The following SLC24A4 variants were observed in gnomAD, a reference collection of about 807,000 sequenced individuals.
SLC24A4 encodes solute carrier family 24 member 4.
Under a neutral mutation model 79.0 loss-of-function variants are expected in SLC24A4, and 53 were observed. That is an observed-to-expected ratio of 0.67 (90% CI 0.54 to 0.84). The LOEUF is 0.84. Among genes scored for constraint, SLC24A4 ranks in the 40% least tolerant of loss-of-function variants. SLC24A4 has a pLI of 0.00. For missense variants in SLC24A4, 731 were observed against 822.0 expected (o/e 0.89, Z 1.35); for synonymous variants, 323 against 323.8 (o/e 1.00, Z 0.03).
chr14:92,433,791 C>G, intron 2 of SLC24A4, 121 bp from the exon 3 acceptor site: 1 of 807,504 alleles, frequency 1.2e-6, no homozygotes, highest in Non-Finnish European at 2.2e-6. Context: ...CTGGCCTTCT[C>G]TCTGATCAGT....
At chr14:92,435,361 C>T (rs1892108020) in intron 3 of SLC24A4, among the ~76,000 whole-genome samples, 1 of 152,244 alleles carries the variant, frequency 6.6e-6, no homozygotes, top group Non-Finnish European at 1.5e-5. Flanking sequence ...GGAACACAGA[C>T]ACTCCTATTC....
intron 2 of SLC24A4, among the ~76,000 whole-genome samples, chr14:92,414,935 A>G (rs1359534774): frequency 6.6e-6 from 1 of 152,176 alleles, no homozygotes; most frequent in Non-Finnish European, 1.5e-5. Flanking sequence ...GGAGGTCACC[A>G]TGTGCTCTGG....
At position 92,396,059 on chromosome 14, in the gene SLC24A4, T is replaced by G. The variant is rs183939068; in HGVS notation, c.242-37853T>G. ...CAGGCTGGTCTTGAACTCCTGACCT[T>G]GTGATCCACCTGCCTAGGCCTCCCA... is the stretch of plus-strand genomic sequence containing the variant. On this transcript the variant is annotated intron_variant, in intron 2 of 16. Coordinates refer to ENST00000532405, the MANE Select transcript of SLC24A4 (RefSeq NM_153646.4). 8.2e-3 allele frequency among the ~76,000 whole-genome samples: 1,253 copies of G among 152,302 alleles called. 12 individuals are homozygous for G. Among genetic ancestry groups the G allele is most frequent in the African/African-American group, 0.027 (1,139 of 41,548 alleles).
chr14:92,351,937 A>AGGAAAGGAAAGGAAAGGAAG, intron 2 of SLC24A4, among the ~76,000 whole-genome samples: 2 of 151,758 alleles, frequency 1.3e-5, no homozygotes, highest in Non-Finnish European at 2.9e-5. Context: ...AGGAAAGGAA[A>AGGAAAGGAAAGGAAAGGAAG]GGAAAAGAAA....
At chr14:92,478,104 G>C (rs1894871881) in intron 12 of SLC24A4, among the ~76,000 whole-genome samples, 1 of 152,156 alleles carries the variant, frequency 6.6e-6, no homozygotes, top group Non-Finnish European at 1.5e-5. Context: ...GCTGTGCCCA[G>C]CCCCAGCCTC....
intron 2 of SLC24A4, among the ~76,000 whole-genome samples, chr14:92,362,056 A>C (rs1353611559): frequency 1.3e-5 from 2 of 152,210 alleles, no homozygotes; most frequent in Non-Finnish European, 2.9e-5. Flanking sequence ...GGTCTGGAGC[A>C]CAGGGAGGTC....
chr14:92,494,547 A>G lies in SLC24A4; in HGVS notation c.*919A>G, dbSNP rs564423310. 5 of 152,356 alleles carry G rather than the reference A, an allele frequency of 3.3e-5. No homozygotes were observed. Among genetic ancestry groups the G allele is most frequent in the African/African-American group, 9.6e-5 (4 of 41,578 alleles). 9.4% of individuals were successfully genotyped at this position (152,356 alleles called of 1,614,324 possible). ...TACAGCTGTACTTTCCAGATCTTCT[A>G]TGTGACACAATGCACTGTCCTTGTG... On this transcript the variant is annotated 3_prime_UTR_variant, in exon 17 of 17. Transcript: ENST00000532405. The surrounding 1 kb of genome is among the most constrained non-coding windows in gnomAD (Gnocchi z 4.6).
intron 2 of SLC24A4, among the ~76,000 whole-genome samples, chr14:92,354,205 C>T (rs896766443): frequency 6.7e-5 from 10 of 149,988 alleles, no homozygotes; most frequent in African/African-American, 2.5e-4. Context: ...CTCACTCTGT[C>T]GCCCAGGCTG....
In SLC24A4 at chr14:92,374,295, T is replaced by C. The variant is rs557392747; in HGVS notation, c.241+48317T>C. On this transcript the variant is annotated intron_variant, in intron 2 of 16. Coordinates refer to ENST00000532405, the MANE Select transcript of SLC24A4 (RefSeq NM_153646.4). ...GAAGAGGTGGTGTGGTTCCCACTCATTCGAGAAGACCAAGGCTCAGACCAA... is the reference window on the plus strand; with the variant it reads ...GAAGAGGTGGTGTGGTTCCCACTCACTCGAGAAGACCAAGGCTCAGACCAA... 3.9e-5 allele frequency among the ~76,000 whole-genome samples: 6 copies of C among 152,324 alleles called. No homozygotes were observed. The East Asian group carries it at 9.7e-4, about 25-fold the overall frequency.
At chr14:92,376,531 C>A (rs950901638) in intron 2 of SLC24A4, among the ~76,000 whole-genome samples, 1 of 152,242 alleles carries the variant, frequency 6.6e-6, no homozygotes, top group Admixed American at 6.5e-5. Context: ...ATACAGAAGT[C>A]TGGGCTGGGG....
intron 2 of SLC24A4, among the ~76,000 whole-genome samples, chr14:92,431,446 C>T (rs1891865518): frequency 6.6e-6 from 1 of 152,206 alleles, no homozygotes; most frequent in Non-Finnish European, 1.5e-5. Context: ...TCTGCAGTTC[C>T]AAGTTGTTGC....
At chr14:92,336,255 A>C (rs1439011255) in intron 2 of SLC24A4, among the ~76,000 whole-genome samples, 1 of 152,256 alleles carries the variant, frequency 6.6e-6, no homozygotes, top group Non-Finnish European at 1.5e-5. Context: ...AGAAAAGTTG[A>C]ATACTTGAAA....
At chr14:92,484,432 G>T (rs1267082356) in intron 13 of SLC24A4, 18 of 985,150 alleles carry the variant, frequency 1.8e-5, no homozygotes, top group Non-Finnish European at 2.0e-5. Context: ...CTTTCTTCTG[G>T]TACCTGCTTA....
intron 9 of SLC24A4, among the ~76,000 whole-genome samples, chr14:92,447,690 C>T (rs1361736821): frequency 2.0e-5 from 3 of 152,230 alleles, no homozygotes; most frequent in African/African-American, 7.2e-5. Flanking sequence ...AGACAAGTAG[C>T]ATGCAAGGGC....
At chr14:92,327,367 C>T (rs1054849568) in intron 2 of SLC24A4, among the ~76,000 whole-genome samples, 14 of 152,184 alleles carry the variant, frequency 9.2e-5, no homozygotes, top group African/African-American at 2.7e-4. Flanking sequence ...CTGTCATTCC[C>T]TCCCCCAGGG....
At chr14:92,436,530 C>T (rs1892178983) in intron 3 of SLC24A4, among the ~76,000 whole-genome samples, 1 of 152,212 alleles carries the variant, frequency 6.6e-6, no homozygotes, top group South Asian at 2.1e-4. Flanking sequence ...GTGGAAGTGA[C>T]TATTTGGCCA....
At chr14:92,477,231 G>A (rs1188135284) in intron 12 of SLC24A4, among the ~76,000 whole-genome samples, 2 of 152,120 alleles carry the variant, frequency 1.3e-5, no homozygotes, top group African/African-American at 4.8e-5. Context: ...ACTTGTGGCT[G>A]TGAAATCGCC....
chr14:92,443,522 A>G, intron 7 of SLC24A4, 48 bp downstream of exon 7: 2 of 1,583,502 alleles, frequency 1.3e-6, no homozygotes, highest in South Asian at 2.2e-5. Context: ...GGACCCTGCG[A>G]AGGCACAGGA....
At chr14:92,369,878 G>T (rs776393014) in intron 2 of SLC24A4, among the ~76,000 whole-genome samples, 1 of 152,208 alleles carries the variant, frequency 6.6e-6, no homozygotes, top group Non-Finnish European at 1.5e-5. Flanking sequence ...TTGCACATTT[G>T]TCCTTGGTTG....
Sources: allele counts gnomAD v4.1 joint callset (sites outside exome capture counted in the v4.1 genomes callset), GRCh38; gene constraint gnomAD v4.1.1; non-coding constraint Gnocchi (gnomAD v3.1); transcripts MANE v1.5; gene names NCBI Gene and HGNC (gene_info 2026-07-23, HGNC 2026-07-21).